Variants in TRAF3 observed in about 807,000 individuals in gnomAD.
The protein encoded by TRAF3 is TNF receptor associated factor 3.
In TRAF3, 13 loss-of-function variants were observed where a neutral mutation model predicts 62.3. The observed-to-expected ratio is 0.21, with a 90% CI of 0.14 to 0.33. The LOEUF (loss-of-function observed/expected upper bound fraction) is 0.33. Among genes scored for constraint, TRAF3 ranks in the 10% least tolerant of loss-of-function variants. The pLI is 1.00. For synonymous variants in TRAF3, 269 were observed against 283.4 expected, an observed-to-expected ratio of 0.95 and a Z score of 0.51; for missense variants, 440 against 741.8, an observed-to-expected ratio of 0.59 and a Z score of 4.73.
chr14:102,852,143 TA>T lies in TRAF3; in HGVS notation c.-17-18041del, dbSNP rs146417036. On this transcript the variant is annotated intron_variant, in intron 2 of 11. Coordinates refer to ENST00000392745, the MANE Select transcript of TRAF3 (RefSeq NM_145725.3). ...CCTTACAGACATTTTATTTTTATTT[TA>T]TTTTTTTTACAGACAAGGTCTCTCT... 8.1e-3 allele frequency among the ~76,000 whole-genome samples: 1,223 copies of T among 151,680 alleles called. 20 individuals are homozygous for T. Among genetic ancestry groups the T allele is most frequent in the African/African-American group, 0.028 (1,158 of 40,996 alleles).
At chr14:102,889,693 T>C (rs1350458298) in intron 8 of TRAF3, 59 bp downstream of exon 8, 1 of 1,574,226 alleles carries the variant, frequency 6.4e-7, no homozygotes, top group Non-Finnish European at 8.7e-7. Context: ...GAGAAAGTTA[T>C]TATATTAACA....
chr14:102,787,107 G>C (rs1300589323), intron 1 of TRAF3, among the ~76,000 whole-genome samples: 2 of 152,174 alleles, frequency 1.3e-5, no homozygotes, highest in African/African-American at 2.4e-5. Flanking sequence ...GTTTGATAAA[G>C]GGAATGACTT....
At chr14:102,891,186 G>A (rs1019898381) in intron 8 of TRAF3, 139 bp from the exon 9 acceptor site, 12 of 818,344 alleles carry the variant, frequency 1.5e-5, no homozygotes, top group South Asian at 2.9e-5. Flanking sequence ...CTCCTTAGGC[G>A]CAGAGATTCC....
At chr14:102,801,972 T>TGC (rs1421319833) in intron 1 of TRAF3, among the ~76,000 whole-genome samples, 1 of 144,218 alleles carries the variant, frequency 6.9e-6, no homozygotes, top group African/African-American at 2.6e-5. Context: ...GCCGAGATCA[T>TGC]GCCACTGCAC....
At position 102,780,246 on chromosome 14, in the gene TRAF3, T is replaced by C. The variant is rs1339256945; in HGVS notation, c.-157+2571T>C. 2.0e-5 allele frequency among the ~76,000 whole-genome samples: 3 copies of C among 151,944 alleles called. No homozygotes were observed. In the East Asian group the frequency reaches 5.8e-4, roughly 29 times the overall value. Reference sequence around the variant, plus strand: ...GGAGAGGTACAGGGGATAGGTGCCATGTGGTTTGCACCACCGCAGCAGGCT... The same window carrying C: ...GGAGAGGTACAGGGGATAGGTGCCACGTGGTTTGCACCACCGCAGCAGGCT... On this transcript the variant is annotated intron_variant, in intron 1 of 11. Transcript: ENST00000392745.
chr14:102,893,175 G>C (rs1447651638), intron 9 of TRAF3, among the ~76,000 whole-genome samples: 1 of 151,658 alleles, frequency 6.6e-6, no homozygotes, highest in Non-Finnish European at 1.5e-5. Flanking sequence ...CTGAGGTCGG[G>C]AGTTCAAGAC....
rs1890746792 is a variant in TRAF3, at chr14:102,909,345, GA to G, written c.*3562del. 6.6e-6 allele frequency: 1 copy of G among 152,388 alleles called. No individual in the cohort carries two copies. Among genetic ancestry groups the G allele is most frequent in the Admixed American group, 6.5e-5 (1 of 15,292 alleles). The allele number at this position is 152,388 out of a possible 1,614,324, so 9.4% of individuals were successfully genotyped here. On this transcript the variant is annotated 3_prime_UTR_variant, in exon 12 of 12. Coordinates refer to ENST00000392745, the MANE Select transcript of TRAF3 (RefSeq NM_145725.3). ...TGTGTGTTCCCTGTGCGGGTGGACA[GA>G]GGGGGCCCTTATGACCCACATTGCA...
chr14:102,880,055 G>C (rs551997321), intron 6 of TRAF3, among the ~76,000 whole-genome samples: 2 of 152,168 alleles, frequency 1.3e-5, no homozygotes, highest in Non-Finnish European at 2.9e-5. Flanking sequence ...GTTTGAGACT[G>C]GTAGTGAGCC....
chr14:102,905,513 G>A lies in TRAF3; in HGVS notation c.1436G>A (p.Arg479His), dbSNP rs749698005. ...TTGTCGCTGTTTTTTGTCATCATGC[G>A]TGGAGAATATGATGCCCTGCTTCCT... ...THLSLFFVIMRGEYDALLPWP... is the reference protein window; with the variant it reads ...THLSLFFVIMHGEYDALLPWP... The change falls in exon 12 of 12, where the codon CGT becomes CAT. Residue 479 changes from arginine to histidine, a missense_variant. Around this residue, in one of 6 missense-constraint regions of TRAF3, gnomAD observed 59 missense variants for 120.9 expected, o/e 0.49. Coordinates refer to ENST00000392745, the MANE Select transcript of TRAF3 (RefSeq NM_145725.3). 8 of 1,614,188 alleles carry A rather than the reference G, an allele frequency of 5.0e-6. No individual in the cohort carries two copies. The highest frequency in any genetic ancestry group is 2.2e-5 in the East Asian group (1 of 44,882).
intron 10 of TRAF3, among the ~76,000 whole-genome samples, chr14:102,898,791 C>T (rs922856244): frequency 6.6e-6 from 1 of 152,168 alleles, no homozygotes; most frequent in Non-Finnish European, 1.5e-5. Flanking sequence ...CCTTTTTAGT[C>T]GAGTTTAATC....
chr14:102,850,809 A>G (rs1595361911), intron 2 of TRAF3, among the ~76,000 whole-genome samples: 1 of 150,614 alleles, frequency 6.6e-6, no homozygotes, highest in East Asian at 2.0e-4. Flanking sequence ...GCCATTTTTT[A>G]GTCACACAAT....
intron 10 of TRAF3, among the ~76,000 whole-genome samples, chr14:102,901,284 C>T (rs1216353980): frequency 1.3e-5 from 2 of 152,180 alleles, no homozygotes; most frequent in Non-Finnish European, 2.9e-5. Context: ...CCTCGGGGGC[C>T]TGAGGCTCAG....
chr14:102,841,980 C>T (rs1245170992), intron 2 of TRAF3, among the ~76,000 whole-genome samples: 6 of 152,124 alleles, frequency 3.9e-5, no homozygotes, highest in Non-Finnish European at 2.9e-5. Flanking sequence ...CGCAGTGGCT[C>T]ACACCTATAA....
chr14:102,780,122 T>C (rs1196734737), intron 1 of TRAF3, among the ~76,000 whole-genome samples: 1 of 152,152 alleles, frequency 6.6e-6, no homozygotes, highest in African/African-American at 2.4e-5. Context: ...TTTGGAAGGC[T>C]ACCAGAGAGA....
At chr14:102,810,131 C>G (rs903996311) in intron 1 of TRAF3, among the ~76,000 whole-genome samples, 2 of 152,144 alleles carry the variant, frequency 1.3e-5, no homozygotes, top group African/African-American at 4.8e-5. Context: ...TTTGCCAACT[C>G]TTGGCTTAAA....
intron 6 of TRAF3, among the ~76,000 whole-genome samples, chr14:102,883,570 G>A (rs957236830): frequency 1.3e-5 from 2 of 151,840 alleles, no homozygotes; most frequent in African/African-American, 2.4e-5. Context: ...TCACTATGTA[G>A]TTATGCTTTT....
chr14:102,873,354 C>T (rs1174130640), intron 4 of TRAF3, among the ~76,000 whole-genome samples: 2 of 152,222 alleles, frequency 1.3e-5, no homozygotes, highest in Non-Finnish European at 2.9e-5. Flanking sequence ...AACAGCCCCT[C>T]CCCTCCACTC....
intron 10 of TRAF3, among the ~76,000 whole-genome samples, chr14:102,898,416 A>G (rs1890109920): frequency 1.3e-5 from 2 of 152,242 alleles, no homozygotes; most frequent in South Asian, 2.1e-4. Flanking sequence ...AGCCCCTAGC[A>G]TTTTGCTGAG....
chr14:102,901,922 C>A (rs1170644925), intron 10 of TRAF3, among the ~76,000 whole-genome samples: 8 of 152,200 alleles, frequency 5.3e-5, no homozygotes, highest in African/African-American at 1.9e-4. Context: ...CTCAGTCATT[C>A]CACAGCTGCA....
Sources: allele counts gnomAD v4.1 joint callset (sites outside exome capture counted in the v4.1 genomes callset), GRCh38; gene constraint gnomAD v4.1.1; regional missense constraint gnomAD v4.1.1; transcripts MANE v1.5; gene names NCBI Gene and HGNC (gene_info 2026-07-23, HGNC 2026-07-21).